Variants in ROS1 observed in about 807,000 individuals in gnomAD.
The protein encoded by ROS1 is proto-oncogene tyrosine-protein kinase ROS.
ROS1 carries 263 observed loss-of-function variants against 273.5 expected under a neutral mutation model. The ratio of observed to expected loss-of-function variants is 0.96; its 90% CI spans 0.87 to 1.06. The LOEUF is 1.06. ROS1 is among the 50% of genes least tolerant of loss of function. The pLI is 0.00. For synonymous variants in ROS1, 1,008 were observed against 954.1 expected (o/e 1.06, Z -1.04); for missense variants, 2,833 against 2,751.1 (o/e 1.03, Z -0.67).
intron 7 of ROS1, among the ~76,000 whole-genome samples, chr6:117,400,069 C>T (rs189317047): frequency 6.6e-6 from 1 of 152,148 alleles, no homozygotes; most frequent in African/African-American, 2.4e-5. Flanking sequence ...CACTATTTTT[C>T]TTCCTGTATT....
Position 117,344,067 on chromosome 6 carries a change from C to A in ROS1, c.4499G>T (p.Arg1500Ile), listed in dbSNP as rs1258207555. The part of the protein sequence containing the change: ...DRKNSSDLKY[R>I]ILEFQDSIAL... ...CACTAGTTCCAATCTTACCAGAATTCTATATTTCAAGTCAGAGCTGTTTTT... is the reference window on the plus strand; with the variant it reads ...CACTAGTTCCAATCTTACCAGAATTATATATTTCAAGTCAGAGCTGTTTTT... Residue 1500 changes from arginine to isoleucine, a missense_variant, in exon 28 of 44, where the codon AGA (arginine) becomes ATA (isoleucine). Arg to Ile is a moderately conservative substitution (Grantham distance 97). Coordinates refer to ENST00000368507, the MANE Select transcript of ROS1 (RefSeq NM_001378902.1). 4 of 1,611,552 alleles carry A rather than the reference C, an allele frequency of 2.5e-6. No individual in the cohort carries two copies. The Admixed American group carries it at 6.7e-5, about 27-fold the overall frequency.
At chr6:117,403,554 T>G (rs554807068) in intron 6 of ROS1, among the ~76,000 whole-genome samples, 53 of 152,258 alleles carry the variant, frequency 3.5e-4, no homozygotes, top group African/African-American at 1.2e-3. Context: ...GGGACTATTT[T>G]TTTTTTTTCT....
At chr6:117,359,742 C>T in intron 24 of ROS1, 67 bp downstream of exon 24, 1 of 1,290,700 alleles carries the variant, frequency 7.7e-7, no homozygotes, top group Non-Finnish European at 1.1e-6. Context: ...GTCATTTTAA[C>T]TACAAAGTAG....
At position 117,389,358 on chromosome 6, in the gene ROS1, A is replaced by T. The variant is rs776624648; in HGVS notation, c.1778T>A (p.Ile593Lys). 7.4e-6 allele frequency: 12 copies of T among 1,612,386 alleles called. No homozygotes were observed. Among genetic ancestry groups the T allele is most frequent in the Non-Finnish European group, 9.3e-6 (11 of 1,179,172 alleles). ...GGGGACAGAGCACTCACTGGCTCCT[A>T]TGGCAAGGGCAGGAGGCTTCCATTG... Reference protein sequence around the residue: ...LVQWKPPALAIGASPSAWQNW... With the variant: ...LVQWKPPALAKGASPSAWQNW... Residue 593 changes from isoleucine to lysine, a missense_variant, in exon 13 of 44, where the codon ATA becomes AAA. Coordinates refer to ENST00000368507, the MANE Select transcript of ROS1 (RefSeq NM_001378902.1).
At chr6:117,351,758 G>A (rs539611901) in intron 27 of ROS1, among the ~76,000 whole-genome samples, 1 of 152,258 alleles carries the variant, frequency 6.6e-6, no homozygotes, top group African/African-American at 2.4e-5. Flanking sequence ...TTTTCAGTTT[G>A]CTCAGACTTT....
At chr6:117,357,693 T>G in intron 25 of ROS1, 111 bp downstream of exon 25, 1 of 718,572 alleles carries the variant, frequency 1.4e-6, no homozygotes, top group Non-Finnish European at 2.3e-6. Flanking sequence ...CCAAGAGCCC[T>G]AAGCATCTTA....
intron 43 of ROS1, among the ~76,000 whole-genome samples, chr6:117,299,843 T>A (rs1774547342): frequency 6.6e-6 from 1 of 152,158 alleles, no homozygotes; most frequent in East Asian, 1.9e-4. Context: ...ATTAAGTGAC[T>A]ACTGTATTTT....
At chr6:117,310,052 A>C (rs1174914431) in intron 41 of ROS1, 29 bp downstream of exon 41, 1 of 1,570,370 alleles carries the variant, frequency 6.4e-7, no homozygotes, top group African/African-American at 1.4e-5. Flanking sequence ...TGATTCTGTC[A>C]GCATTACTCT....
rs1292670923 is a variant in ROS1, at chr6:117,287,713, A to G, written c.*779T>C. On this transcript the variant is annotated 3_prime_UTR_variant, in exon 44 of 44. Coordinates refer to ENST00000368507, the MANE Select transcript of ROS1 (RefSeq NM_001378902.1). Reference sequence around the variant, plus strand: ...AAGGCAGGTGGATCCCGAGGTCAGGAGTTCTAGACCAGCCTGGCCAATATG... The same window carrying G: ...AAGGCAGGTGGATCCCGAGGTCAGGGGTTCTAGACCAGCCTGGCCAATATG... Among the ~76,000 whole-genome samples the G allele has an allele frequency of 1.3e-5, 2 of 152,112 alleles. No individual in the cohort carries two copies. The highest frequency in any genetic ancestry group is 2.9e-5 in the Non-Finnish European group (2 of 68,028).
At chr6:117,414,477 A>T (rs185993157) in intron 4 of ROS1, 42 bp downstream of exon 4, 3 of 739,306 alleles carry the variant, frequency 4.1e-6, no homozygotes, top group Non-Finnish European at 7.4e-6. Flanking sequence ...AGAGATGAAG[A>T]CATGTGGCTT....
Position 117,387,836 on chromosome 6 carries a change from G to C in ROS1, c.1943C>G (p.Ser648Cys). ...TGACCAGGGGCCTGGCCTCTTTGGA[G>C]AACTTGCTCTCACAGAAACCTTGTA... ...MKYKVSVRAS[S>C]PKRPGPWSEP... The change falls in exon 14 of 44, where the codon TCT (serine) becomes TGT (cysteine). Residue 648 changes from serine (S) to cysteine (C), a missense_variant. Transcript: ENST00000368507. The C allele has an allele frequency of 6.2e-7, 1 of 1,614,152 alleles. No individual in the cohort carries two copies. Among genetic ancestry groups the C allele is most frequent in the Non-Finnish European group, 8.5e-7 (1 of 1,180,016 alleles).
At chr6:117,403,681 CATCTT>C (rs956179008) in intron 6 of ROS1, among the ~76,000 whole-genome samples, 15 of 152,216 alleles carry the variant, frequency 9.9e-5, no homozygotes, top group African/African-American at 3.4e-4. Flanking sequence ...TAGCTAGACT[CATCTT>C]AGCTGTGATG....
chr6:117,388,903 T>C (rs1287809756), intron 13 of ROS1, among the ~76,000 whole-genome samples: 1 of 152,206 alleles, frequency 6.6e-6, no homozygotes, highest in African/African-American at 2.4e-5. Context: ...TGGCAAGTAT[T>C]TGAATCCGTG....
intron 38 of ROS1, 34 bp from the exon 39 acceptor site, chr6:117,317,306 G>T: frequency 1.3e-6 from 2 of 1,597,178 alleles, no homozygotes; most frequent in Non-Finnish European, 1.7e-6. Flanking sequence ...TGGATGATAT[G>T]ACAGAAGCAG....
At chr6:117,372,033 C>T (rs1780834881) in intron 18 of ROS1, among the ~76,000 whole-genome samples, 1 of 152,078 alleles carries the variant, frequency 6.6e-6, no homozygotes, top group South Asian at 2.1e-4. Flanking sequence ...GCTCTATAGC[C>T]CCCAAACTTC....
rs1390531620 is a variant in ROS1, at chr6:117,356,616, A to G, written c.4126+13T>C. ...TATTAACAAATATCTGTGCACATAC[A>G]TCAGCATCTTACCGAGCATAGCAGG... On this transcript the variant is annotated intron_variant, in intron 26 of 43. Transcript: ENST00000368507. 5 of 1,604,024 alleles carry G rather than the reference A, an allele frequency of 3.1e-6. No individual in the cohort carries two copies. Among genetic ancestry groups the G allele is most frequent in the East Asian group, 2.2e-5 (1 of 44,704 alleles).
chr6:117,350,254 G>A lies in ROS1; in HGVS notation c.4303+2736C>T, dbSNP rs73566829. Among the ~76,000 whole-genome samples the A allele has an allele frequency of 6.8e-3, 1,033 of 152,056 alleles. 9 individuals carry two copies. Among genetic ancestry groups the A allele is most frequent in the African/African-American group, 0.023 (957 of 41,508 alleles). ...CTCTTTTGAAGGATAATTTCACAGG[G>A]TATGGAATTCTAGGTTAGTGTTTTT... On this transcript the variant is annotated intron_variant, in intron 27 of 43. Coordinates refer to ENST00000368507, the MANE Select transcript of ROS1 (RefSeq NM_001378902.1).
chr6:117,356,676 A>C lies in ROS1; in HGVS notation c.4079T>G (p.Leu1360Arg). ...AKAQEIWAMD[L>R]EGCQCWRVIT... Reference sequence around the variant, plus strand: ...AACTCTCCAACACTGACAGCCTTCCAGATCCATTGCCCAGATCTCTTGTGC... The same window carrying C: ...AACTCTCCAACACTGACAGCCTTCCCGATCCATTGCCCAGATCTCTTGTGC... Residue 1360 changes from leucine (L) to arginine (R), a missense_variant, in exon 26 of 44, where the codon CTG becomes CGG. By Grantham distance (102) the Leu-to-Arg change is moderately radical. Transcript: ENST00000368507. 3.7e-6 allele frequency: 6 copies of C among 1,613,978 alleles called. No homozygotes were observed. Among genetic ancestry groups the C allele is most frequent in the Non-Finnish European group, 5.1e-6 (6 of 1,179,998 alleles).
chr6:117,321,672 A>G (rs932577149), intron 35 of ROS1, among the ~76,000 whole-genome samples: 1 of 152,088 alleles, frequency 6.6e-6, no homozygotes, highest in African/African-American at 2.4e-5. Context: ...AAATTAAAGT[A>G]TCTTAATATT....
Sources: gnomAD v4.1 joint callset for allele counts (sites outside exome capture counted in the v4.1 genomes callset) on GRCh38, gnomAD v4.1.1 for gene constraint, MANE v1.5 for transcripts, NCBI Gene and HGNC (gene_info 2026-07-23, HGNC 2026-07-21) for gene names.